MTCL2: variants seen among roughly 807,000 people sequenced by gnomAD.
MTCL2 encodes the protein microtubule crosslinking factor 2.
At chr20:36,853,828 C>T in the MTCL2 span, among the ~76,000 whole-genome samples, 2 of 152,058 alleles carry the variant, frequency 1.3e-5, no homozygotes, top group African/African-American at 4.8e-5. Context: ...AAGGCCTTAC[C>T]TGGCAGAGCA....
the MTCL2 span, among the ~76,000 whole-genome samples, chr20:36,855,507 A>G: frequency 6.6e-6 from 1 of 152,194 alleles, no homozygotes; most frequent in African/African-American, 2.4e-5. Context: ...CCCCAGCTCC[A>G]AGTTCCTTCC....
At chr20:36,822,638 G>T in the MTCL2 span, among the ~76,000 whole-genome samples, 62 of 152,124 alleles carry the variant, frequency 4.1e-4, 1 homozygote, top group Non-Finnish European at 7.6e-4. Context: ...ACCTTCCAAG[G>T]AACAAAATGA....
the MTCL2 span, among the ~76,000 whole-genome samples, chr20:36,819,467 A>G: frequency 6.6e-6 from 1 of 152,112 alleles, no homozygotes; most frequent in Non-Finnish European, 1.5e-5. Flanking sequence ...CTCACAGTAC[A>G]CCCACAGCTG....
chr20:36,792,883 GAC>G, the MTCL2 span, among the ~76,000 whole-genome samples: 1 of 151,696 alleles, frequency 6.6e-6, no homozygotes, highest in Non-Finnish European at 1.5e-5. Flanking sequence ...CAGACAGACA[GAC>G]AGACAGACAG....
the MTCL2 span, chr20:36,859,708 C>G: frequency 9.5e-5 from 117 of 1,231,614 alleles, no homozygotes; most frequent in Non-Finnish European, 1.1e-4. Context: ...TCCCAGTGAC[C>G]CCTACAAGGG....
chr20:36,814,093 G>A, the MTCL2 span, among the ~76,000 whole-genome samples: 4 of 152,078 alleles, frequency 2.6e-5, no homozygotes, highest in African/African-American at 9.7e-5. Flanking sequence ...AACCATGTAC[G>A]CTTCCTTCAG....
At chr20:36,829,760 G>A in the MTCL2 span, among the ~76,000 whole-genome samples, 1 of 152,050 alleles carries the variant, frequency 6.6e-6, no homozygotes, top group Non-Finnish European at 1.5e-5. Flanking sequence ...CACTTTGGGA[G>A]GTCGAGACAG....
chr20:36,854,321 T>G, the MTCL2 span, among the ~76,000 whole-genome samples: 1 of 152,134 alleles, frequency 6.6e-6, no homozygotes, highest in Non-Finnish European at 1.5e-5. Context: ...AACCTATCAT[T>G]ACCCCATTAA....
chr20:36,815,085 G>C, the MTCL2 span: 1 of 1,511,608 alleles, frequency 6.6e-7, no homozygotes. This position sits in a 1 kb window ranked among gnomAD's most constrained non-coding sequence, Gnocchi z 5.3. Flanking sequence ...CAAAACAAAG[G>C]AAAAAAATAA....
chr20:36,812,915 A>G, the MTCL2 span: 1 of 1,534,890 alleles, frequency 6.5e-7, no homozygotes, highest in Non-Finnish European at 8.7e-7. Context: ...TGCCAGAAAC[A>G]CCCACCCCAG....
At chr20:36,783,816 C>T in the MTCL2 span, 2 of 985,128 alleles carry the variant, frequency 2.0e-6, no homozygotes, top group Non-Finnish European at 2.4e-6. Flanking sequence ...AACCAATCCC[C>T]CCACCCCAAA....
the MTCL2 span, among the ~76,000 whole-genome samples, chr20:36,806,563 A>G: frequency 0.016 from 2,484 of 152,050 alleles, 57 homozygotes; most frequent in African/African-American, 0.057. Context: ...TGTGTCATCC[A>G]GGCTAGAGTG....
At chr20:36,792,219 G>C in the MTCL2 span, among the ~76,000 whole-genome samples, 724 of 152,218 alleles carry the variant, frequency 4.8e-3, 7 homozygotes, top group African/African-American at 0.017. Context: ...GTTAAACACA[G>C]AGATGTGGCC....
At chr20:36,802,554 A>T in the MTCL2 span, among the ~76,000 whole-genome samples, 2 of 152,034 alleles carry the variant, frequency 1.3e-5, no homozygotes, top group African/African-American at 4.8e-5. Context: ...AATCCACTGT[A>T]CTTGCTAAGC....
chr20:36,794,448 T>C, the MTCL2 span: 1 of 1,614,000 alleles, frequency 6.2e-7, no homozygotes, highest in Non-Finnish European at 8.5e-7. This position sits in a 1 kb window ranked among gnomAD's most constrained non-coding sequence, Gnocchi z 5.4. Flanking sequence ...GGCTTCTCCT[T>C]GGTGTCTTTC....
the MTCL2 span, among the ~76,000 whole-genome samples, chr20:36,819,056 G>T: frequency 6.6e-6 from 1 of 152,186 alleles, no homozygotes; most frequent in Admixed American, 6.5e-5. Flanking sequence ...TATTCTATTG[G>T]TGAAGCTATA....
the MTCL2 span, chr20:36,815,575 C>G: frequency 6.4e-7 from 1 of 1,572,680 alleles, no homozygotes; most frequent in Non-Finnish European, 8.6e-7. This position sits in a 1 kb window ranked among gnomAD's most constrained non-coding sequence, Gnocchi z 5.3. Context: ...GCAGAGTCCC[C>G]GGCCTCGGCG....
At chr20:36,842,908 T>C in the MTCL2 span, among the ~76,000 whole-genome samples, 2 of 152,198 alleles carry the variant, frequency 1.3e-5, no homozygotes, top group Non-Finnish European at 2.9e-5. Flanking sequence ...AGAAGGCCTC[T>C]GTGGGCCCTG....
At chr20:36,816,448 C>G in the MTCL2 span, 15 of 695,816 alleles carry the variant, frequency 2.2e-5, no homozygotes, top group Non-Finnish European at 3.3e-5. Context: ...GCTAAGGGTC[C>G]GGGGGAGACG....
Sources: allele counts gnomAD v4.1 joint callset (sites outside exome capture counted in the v4.1 genomes callset), GRCh38; gene constraint gnomAD v4.1.1; non-coding constraint Gnocchi (gnomAD v3.1); transcripts MANE v1.5; gene names NCBI Gene and HGNC (gene_info 2026-07-23, HGNC 2026-07-21).